CIMAP2: variants seen among roughly 807,000 people sequenced by gnomAD.
CIMAP2 encodes the protein ciliary microtubule associated protein 2, also known as ciliary microtubule-associated protein 2.
the CIMAP2 span, chr1:54,814,868 A>G: frequency 6.2e-7 from 1 of 1,612,136 alleles, no homozygotes; most frequent in Non-Finnish European, 8.5e-7. Context: ...CCAGGCTGAC[A>G]CTGCCAGAGC....
At chr1:54,806,090 C>T in the CIMAP2 span, 31 of 1,499,116 alleles carry the variant, frequency 2.1e-5, 1 homozygote, top group Middle Eastern at 5.7e-4. Flanking sequence ...GTGGCAGCAG[C>T]GGAGGCGGGC....
chr1:54,816,842 G>T, the CIMAP2 span: 1 of 1,055,518 alleles, frequency 9.5e-7, no homozygotes, highest in South Asian at 1.7e-5. Flanking sequence ...GGGTTGCTCG[G>T]GGTTGGGACC....
chr1:54,827,411 C>G, the CIMAP2 span, among the ~76,000 whole-genome samples: 39 of 152,194 alleles, frequency 2.6e-4, no homozygotes, highest in African/African-American at 8.4e-4. Flanking sequence ...TGCCCCATCC[C>G]CGCAGGACTC....
chr1:54,811,773 G>GTCCCCCCCCC, the CIMAP2 span: 3 of 1,325,052 alleles, frequency 2.3e-6, no homozygotes, highest in South Asian at 1.3e-5. Context: ...CAGCCTCCAT[G>GTCCCCCCCCC]CCCCCACCCC....
At chr1:54,825,930 G>A in the CIMAP2 span, among the ~76,000 whole-genome samples, 20 of 152,158 alleles carry the variant, frequency 1.3e-4, no homozygotes, top group Admixed American at 2.0e-4. Context: ...GCAGGTCCCT[G>A]GGCCCCTGGG....
the CIMAP2 span, among the ~76,000 whole-genome samples, chr1:54,828,389 T>C: frequency 6.6e-6 from 1 of 152,110 alleles, no homozygotes; most frequent in East Asian, 1.9e-4. Flanking sequence ...AGGGCTGCAG[T>C]GGCATGATCA....
At chr1:54,825,081 G>A in the CIMAP2 span, among the ~76,000 whole-genome samples, 39 of 113,948 alleles carry the variant, frequency 3.4e-4, no homozygotes, top group Middle Eastern at 7.8e-3. Context: ...ATGGAGTCTC[G>A]CTCTGTCACC....
the CIMAP2 span, chr1:54,806,906 G>A: frequency 5.3e-3 from 6,390 of 1,200,026 alleles, 41 homozygotes; most frequent in South Asian, 8.3e-3. Flanking sequence ...TCACCTTCCC[G>A]GGCAGCCAAC....
At chr1:54,817,159 GC>G in the CIMAP2 span, 1 of 1,611,462 alleles carries the variant, frequency 6.2e-7, no homozygotes, top group Non-Finnish European at 8.5e-7. Context: ...AGGGGCGAGG[GC>G]GGTGGGGGGT....
At chr1:54,811,766 C>CGGGGGGGGGGGGGGGGGGGGGGGGG in the CIMAP2 span, 2 of 1,305,190 alleles carry the variant, frequency 1.5e-6, no homozygotes, top group Non-Finnish European at 1.1e-6. Flanking sequence ...GTTCTGACAG[C>CGGGGGGGGGGGGGGGGGGGGGGGGG]CTCCATGCCC....
At chr1:54,811,772 T>TCCCC in the CIMAP2 span, 7 of 454,862 alleles carry the variant, frequency 1.5e-5, no homozygotes, top group Admixed American at 5.7e-5. Context: ...ACAGCCTCCA[T>TCCCC]GCCCCCACCC....
At chr1:54,815,079 C>T in the CIMAP2 span, 4 of 1,609,884 alleles carry the variant, frequency 2.5e-6, no homozygotes, top group Non-Finnish European at 3.4e-6. Context: ...GGAACTCTCT[C>T]CTGCCTCTAC....
the CIMAP2 span, chr1:54,807,157 G>A: frequency 6.9e-7 from 1 of 1,448,504 alleles, no homozygotes; most frequent in Non-Finnish European, 9.7e-7. Context: ...TGCTGTGGTG[G>A]ATGAGCTGAG....
chr1:54,819,691 CTGTGTG>C, the CIMAP2 span, among the ~76,000 whole-genome samples: 1 of 152,012 alleles, frequency 6.6e-6, no homozygotes, highest in Non-Finnish European at 1.5e-5. Context: ...TTGAAGATAC[CTGTGTG>C]TCCCATTCCT....
At chr1:54,812,307 C>T in the CIMAP2 span, 3 of 1,393,984 alleles carry the variant, frequency 2.2e-6, no homozygotes, top group South Asian at 1.3e-5. Context: ...CTTTCCCACA[C>T]CCCCTCACTT....
chr1:54,819,060 A>G, the CIMAP2 span, among the ~76,000 whole-genome samples: 1 of 152,144 alleles, frequency 6.6e-6, no homozygotes, highest in Admixed American at 6.5e-5. Context: ...CCTGTCAGTC[A>G]CTGTGAGTGA....
the CIMAP2 span, chr1:54,841,964 T>G: frequency 7.4e-7 from 1 of 1,345,720 alleles, no homozygotes; most frequent in Non-Finnish European, 1.0e-6. Context: ...GGGAGTGGGG[T>G]GTCTTAGAGA....
At chr1:54,813,255 A>C in the CIMAP2 span, among the ~76,000 whole-genome samples, 2 of 151,824 alleles carry the variant, frequency 1.3e-5, no homozygotes, top group Non-Finnish European at 2.9e-5. Flanking sequence ...CCGACCACCA[A>C]CATCCCACAG....
At chr1:54,841,822 T>G in the CIMAP2 span, 1 of 1,561,370 alleles carries the variant, frequency 6.4e-7, no homozygotes, top group Non-Finnish European at 8.7e-7. Flanking sequence ...CACCATTTAC[T>G]AAGGGAAAGT....
Sources: allele counts gnomAD v4.1 joint callset (sites outside exome capture counted in the v4.1 genomes callset), GRCh38; gene constraint gnomAD v4.1.1; transcripts MANE v1.5; gene names NCBI Gene and HGNC (gene_info 2026-07-23, HGNC 2026-07-21).